BRI3BP: variants seen among roughly 807,000 people sequenced by gnomAD.
BRI3BP encodes the protein BRI3 binding protein.
In BRI3BP, 7 loss-of-function variants were observed where a neutral mutation model predicts 15.8. The observed-to-expected ratio is 0.44, with a 90% CI of 0.25 to 0.83. The LOEUF (loss-of-function observed/expected upper bound fraction) is 0.83, where lower values mean the gene tolerates loss of function less well. Among genes scored for constraint, BRI3BP ranks in the 40% least tolerant of loss-of-function variants. The pLI, the probability that BRI3BP is intolerant of heterozygous loss-of-function variation, is 0.20. For missense variants in BRI3BP, 320 were observed against 339.3 expected, an observed-to-expected ratio of 0.94 and a Z score of 0.45; for synonymous variants, 192 against 163.5, an observed-to-expected ratio of 1.17 and a Z score of -1.33.
chr12:125,051,079 A>C, the BRI3BP span, among the ~76,000 whole-genome samples: 4 of 152,222 alleles, frequency 2.6e-5, no homozygotes, highest in Non-Finnish European at 4.4e-5. Flanking sequence ...GCCCTGTTAG[A>C]ATCAAGACAG....
intron 1 of BRI3BP, among the ~76,000 whole-genome samples, chr12:124,994,316 A>C (rs1955022629): frequency 6.6e-6 from 1 of 151,780 alleles, no homozygotes; most frequent in African/African-American, 2.4e-5. Context: ...TCATTCATTC[A>C]TTCACCGCGT....
At chr12:125,036,523 A>G in the BRI3BP span, among the ~76,000 whole-genome samples, 1 of 152,144 alleles carries the variant, frequency 6.6e-6, no homozygotes. Flanking sequence ...AGCTCCAAAT[A>G]TGATCTAAAT....
intron 1 of BRI3BP, among the ~76,000 whole-genome samples, chr12:125,008,299 C>CTTTTTTTTTTT (rs55697100): frequency 1.4e-3 from 139 of 99,924 alleles, no homozygotes; most frequent in Non-Finnish European, 1.6e-3. Context: ...CCTCTTCTTT[C>CTTTTTTTTTTT]TTTTTTTTTT....
chr12:125,006,927 G>A (rs932481288), intron 1 of BRI3BP, among the ~76,000 whole-genome samples: 7 of 152,102 alleles, frequency 4.6e-5, no homozygotes, highest in South Asian at 2.1e-4. Flanking sequence ...ATCTGGGCGC[G>A]GTGGGTCACG....
the BRI3BP span, among the ~76,000 whole-genome samples, chr12:125,044,022 A>C: frequency 9.4e-6 from 1 of 106,724 alleles, no homozygotes; most frequent in Admixed American, 1.0e-4. Flanking sequence ...AAGACATTTA[A>C]AAAAAAAAAA....
chr12:125,012,263 G>A (rs1352706758), intron 1 of BRI3BP, among the ~76,000 whole-genome samples: 1 of 152,204 alleles, frequency 6.6e-6, no homozygotes, highest in Non-Finnish European at 1.5e-5. Context: ...GGCAAGCGGC[G>A]TAACGCGGCC....
chr12:125,024,396 A>G (rs1955329609), intron 2 of BRI3BP, among the ~76,000 whole-genome samples: 1 of 152,172 alleles, frequency 6.6e-6, no homozygotes. Flanking sequence ...GAGCCAGTCC[A>G]TATCAGGGTC....
chr12:125,023,320 G>T (rs1955317172), intron 2 of BRI3BP, among the ~76,000 whole-genome samples: 1 of 109,146 alleles, frequency 9.2e-6, no homozygotes, highest in Admixed American at 9.4e-5. Flanking sequence ...GGCTGCTCCA[G>T]TTCCAGCCAT....
the BRI3BP span, among the ~76,000 whole-genome samples, chr12:125,045,579 G>C: frequency 6.6e-6 from 1 of 152,100 alleles, no homozygotes; most frequent in Admixed American, 6.5e-5. Context: ...CGATCTGCCC[G>C]CCTAGGTCTC....
At chr12:125,003,884 C>T (rs965856239) in intron 1 of BRI3BP, among the ~76,000 whole-genome samples, 4 of 151,526 alleles carry the variant, frequency 2.6e-5, no homozygotes, top group Non-Finnish European at 5.9e-5. Context: ...GCCCAGGAGG[C>T]GGAGGTTGCA....
chr12:125,006,808 G>A (rs1955148160), intron 1 of BRI3BP, among the ~76,000 whole-genome samples: 1 of 152,196 alleles, frequency 6.6e-6, no homozygotes, highest in African/African-American at 2.4e-5. Flanking sequence ...TTGCTTCCAC[G>A]CACCCTTTCC....
At chr12:125,046,370 A>G in the BRI3BP span, among the ~76,000 whole-genome samples, 1 of 152,110 alleles carries the variant, frequency 6.6e-6, no homozygotes, top group Non-Finnish European at 1.5e-5. Flanking sequence ...ACTTGCCAAT[A>G]TGGTGAAACC....
Position 125,030,557 on chromosome 12 carries a change from T to TC in BRI3BP, c.*5128dup, listed in dbSNP as rs1271646275. On this transcript the variant is annotated 3_prime_UTR_variant, in exon 3 of 3. Coordinates refer to ENST00000341446, the MANE Select transcript of BRI3BP (RefSeq NM_080626.6). ...TAGGAGGTGCACCAGTACCAGTTTT[T>TC]CTCTTGTGGTGGCTTAAAACGCTGA... 1.3e-5 allele frequency: 2 copies of TC among 152,250 alleles called. No homozygotes were observed. The highest frequency in any genetic ancestry group is 4.8e-5 in the African/African-American group (2 of 41,468). The allele number at this position is 152,250 out of a possible 1,614,324, so 9.4% of individuals were successfully genotyped here.
downstream of BRI3BP, among the ~76,000 whole-genome samples, chr12:125,034,747 G>A (rs562985734): frequency 2.4e-4 from 37 of 151,936 alleles, no homozygotes; most frequent in South Asian, 2.9e-3. Context: ...CTGCCACCAC[G>A]CCCAGCTAAT....
intron 1 of BRI3BP, among the ~76,000 whole-genome samples, chr12:125,003,995 AC>A (rs1565902671): frequency 0.074 from 6,131 of 82,786 alleles, 208 homozygotes; most frequent in Middle Eastern, 0.091. Context: ...ACACACACAC[AC>A]ACACACAACA....
At chr12:124,997,624 A>T (rs1243982838) in intron 1 of BRI3BP, among the ~76,000 whole-genome samples, 2 of 152,140 alleles carry the variant, frequency 1.3e-5, no homozygotes, top group Non-Finnish European at 1.5e-5. Flanking sequence ...CATTTAGTAA[A>T]TGGTAGAATA....
In BRI3BP at chr12:124,993,724, G is replaced by C. The variant is rs865916046; in HGVS notation, c.-67G>C. 1 of 913,150 alleles carries C rather than the reference G, an allele frequency of 1.1e-6. No homozygotes were observed. The highest frequency in any genetic ancestry group is 1.3e-6 in the Non-Finnish European group (1 of 765,242). The allele number at this position is 913,150 out of a possible 1,614,324, so 56.6% of individuals were successfully genotyped here. On this transcript the variant is annotated 5_prime_UTR_variant, in exon 1 of 3. Transcript: ENST00000341446. ...CGAGCGCGCCAACCTTGCCCTAGCCGGAGCCCGCTGCGGCCCAGCGCACGG... is the reference window on the plus strand; with the variant it reads ...CGAGCGCGCCAACCTTGCCCTAGCCCGAGCCCGCTGCGGCCCAGCGCACGG...
At chr12:124,999,704 A>G (rs1045859060) in intron 1 of BRI3BP, among the ~76,000 whole-genome samples, 2 of 149,226 alleles carry the variant, frequency 1.3e-5, no homozygotes, top group Non-Finnish European at 3.0e-5. Flanking sequence ...TGCAAGCTCC[A>G]CCTCCTGGGT....
At chr12:125,040,911 A>G in the BRI3BP span, among the ~76,000 whole-genome samples, 82 of 149,696 alleles carry the variant, frequency 5.5e-4, 1 homozygote, top group African/African-American at 1.8e-3. Context: ...TTGTATTTTT[A>G]GTAGAGGTGG....
Sources: allele counts gnomAD v4.1 joint callset (sites outside exome capture counted in the v4.1 genomes callset), GRCh38; gene constraint gnomAD v4.1.1; transcripts MANE v1.5; gene names NCBI Gene and HGNC (gene_info 2026-07-23, HGNC 2026-07-21).